The following CALN1 variants were observed in gnomAD, a reference collection of about 807,000 sequenced individuals.
CALN1 encodes the protein calneuron 1.
A neutral mutation model predicts 30.6 loss-of-function variants in CALN1; 17 were observed. That is an observed-to-expected ratio of 0.56 (90% CI 0.38 to 0.83). CALN1 has a LOEUF of 0.83. CALN1 is among the 40% of genes least tolerant of loss of function. CALN1 has a pLI of 0.00. For missense variants in CALN1, 291 were observed against 354.9 expected, an observed-to-expected ratio of 0.82 and a Z score of 1.45; for synonymous variants, 156 against 131.4, an observed-to-expected ratio of 1.19 and a Z score of -1.28.
At chr7:72,464,071 GAAGAAAGAAAAAGA>G in the CALN1 span, among the ~76,000 whole-genome samples, 3 of 139,364 alleles carry the variant, frequency 2.2e-5, no homozygotes, top group Non-Finnish European at 4.6e-5. Context: ...AAGAAAGAAA[GAAGAAAGAAAAAGA>G]AAGAAAGAAA....
chr7:71,919,822 G>A (rs971589386), intron 5 of CALN1, among the ~76,000 whole-genome samples: 1 of 152,178 alleles, frequency 6.6e-6, no homozygotes, highest in Non-Finnish European at 1.5e-5. Context: ...CCAGTGGTCC[G>A]CGAGGACCTA....
intron 3 of CALN1, among the ~76,000 whole-genome samples, chr7:72,147,481 G>GATGTAGAGAAATAGGAAC (rs775589538): frequency 9.9e-6 from 1 of 100,838 alleles, no homozygotes; most frequent in Non-Finnish European, 2.3e-5. Flanking sequence ...TGTTGGAGAG[G>GATGTAGAGAAATAGGAAC]ACTGTTACAC....
intron 5 of CALN1, among the ~76,000 whole-genome samples, chr7:71,856,189 A>G (rs1790937160): frequency 6.6e-6 from 1 of 151,690 alleles, no homozygotes; most frequent in African/African-American, 2.4e-5. Flanking sequence ...GGGGTGATAC[A>G]TATGTAAATA....
At chr7:72,245,524 C>T (rs1433976102) in intron 3 of CALN1, among the ~76,000 whole-genome samples, 1 of 152,092 alleles carries the variant, frequency 6.6e-6, no homozygotes, top group African/African-American at 2.4e-5. Flanking sequence ...GAGGCTGAAG[C>T]ATGAGAATCA....
chr7:71,920,447 C>G (rs533405683), intron 5 of CALN1, among the ~76,000 whole-genome samples: 1 of 149,558 alleles, frequency 6.7e-6, no homozygotes, highest in South Asian at 2.1e-4. Flanking sequence ...ACCATTCTCT[C>G]GCCTCAGCTT....
chr7:71,852,871 A>G (rs62459049), intron 5 of CALN1, among the ~76,000 whole-genome samples: 52,171 of 152,044 alleles, frequency 0.34, 9,333 homozygotes, highest in Middle Eastern at 0.49. Context: ...CTCTTGTGAA[A>G]TAACTAGATG....
chr7:71,894,567 A>G (rs955122132), intron 5 of CALN1, among the ~76,000 whole-genome samples: 1 of 152,132 alleles, frequency 6.6e-6, no homozygotes, highest in Non-Finnish European at 1.5e-5. Context: ...CACCATACCC[A>G]GCTCAATCAA....
the CALN1 span, among the ~76,000 whole-genome samples, chr7:72,484,735 G>A: frequency 6.0e-4 from 92 of 152,296 alleles, no homozygotes; most frequent in Non-Finnish European, 1.1e-3. Context: ...GGCTCTGCCT[G>A]GGTTTCCCAC....
chr7:71,873,926 T>C (rs375986603), intron 5 of CALN1, among the ~76,000 whole-genome samples: 32 of 152,302 alleles, frequency 2.1e-4, no homozygotes, highest in African/African-American at 7.5e-4. Context: ...TGACCATAAG[T>C]AGAGATATGA....
intron 1 of CALN1, among the ~76,000 whole-genome samples, chr7:72,442,952 A>G (rs1343148963): frequency 6.6e-6 from 1 of 151,194 alleles, no homozygotes; most frequent in Non-Finnish European, 1.5e-5. Context: ...ATTGCACTTT[A>G]TTAAGGGTTG....
chr7:72,392,574 G>C (rs1175462408), intron 2 of CALN1, among the ~76,000 whole-genome samples: 1 of 152,136 alleles, frequency 6.6e-6, no homozygotes, highest in African/African-American at 2.4e-5. Flanking sequence ...ACCCAGAGTA[G>C]TACTGTCTCA....
chr7:72,453,373 AG>A, the CALN1 span, among the ~76,000 whole-genome samples: 1 of 152,250 alleles, frequency 6.6e-6, no homozygotes, highest in East Asian at 1.9e-4. Context: ...ATGCAAATTA[AG>A]GGGCAGGCTA....
At chr7:72,338,631 C>T (rs1802238017) in intron 2 of CALN1, among the ~76,000 whole-genome samples, 1 of 151,884 alleles carries the variant, frequency 6.6e-6, no homozygotes, top group African/African-American at 2.4e-5. Context: ...CTTGTATAGA[C>T]CCTACTTCCC....
chr7:71,973,718 G>C (rs1040118585), intron 5 of CALN1, among the ~76,000 whole-genome samples: 1 of 152,090 alleles, frequency 6.6e-6, no homozygotes, highest in South Asian at 2.1e-4. Flanking sequence ...GATGAGGGGA[G>C]GGCCTAAGTC....
At chr7:72,450,619 C>T (rs1808639571), upstream of CALN1, among the ~76,000 whole-genome samples, 1 of 152,200 alleles carries the variant, frequency 6.6e-6, no homozygotes, top group African/African-American at 2.4e-5. Context: ...GTGGATCACG[C>T]CTGTAATCCC....
At chr7:71,806,260 A>ACACACGCACACACACAAACACACACATG (rs61088052) in intron 6 of CALN1, among the ~76,000 whole-genome samples, 2 of 150,164 alleles carry the variant, frequency 1.3e-5, no homozygotes, top group African/African-American at 4.9e-5. Context: ...GCACACACAC[A>ACACACGCACACACACAAACACACACATG]CACACACACA....
intron 2 of CALN1, among the ~76,000 whole-genome samples, chr7:72,390,329 G>A (rs927375432): frequency 6.6e-6 from 1 of 152,094 alleles, no homozygotes; most frequent in Non-Finnish European, 1.5e-5. Context: ...TACTCAGGAG[G>A]GTGAGGCAGG....
chr7:71,997,993 G>A (rs1262648559), intron 5 of CALN1, among the ~76,000 whole-genome samples: 5 of 151,818 alleles, frequency 3.3e-5, no homozygotes, highest in African/African-American at 4.8e-5. Flanking sequence ...GCTTATTTTT[G>A]TATTTTTAGT....
chr7:71,917,935 AAAAG>A (rs1324026404), intron 5 of CALN1, among the ~76,000 whole-genome samples: 1 of 152,238 alleles, frequency 6.6e-6, no homozygotes, highest in Non-Finnish European at 1.5e-5. Flanking sequence ...TGAAACTGGA[AAAAG>A]AAAGAAACCT....
Sources: allele counts gnomAD v4.1 joint callset (sites outside exome capture counted in the v4.1 genomes callset), GRCh38; gene constraint gnomAD v4.1.1; transcripts MANE v1.5; gene names NCBI Gene and HGNC (gene_info 2026-07-23, HGNC 2026-07-21).